The following ERBB4 variants were observed in gnomAD, a reference collection of about 807,000 sequenced individuals.
The protein encoded by ERBB4 is receptor tyrosine-protein kinase erbB-4.
Under a neutral mutation model 158.0 loss-of-function variants are expected in ERBB4, and 42 were observed. The observed-to-expected ratio is 0.27, with a 90% confidence interval of 0.21 to 0.34. The LOEUF (loss-of-function observed/expected upper bound fraction) is 0.34, where lower values mean the gene tolerates loss of function less well. Ranked by LOEUF, ERBB4 falls within the 10% of genes least tolerant of loss-of-function variation. ERBB4 has a pLI of 1.00. For missense variants in ERBB4, 1,333 were observed against 1,624.1 expected, an observed-to-expected ratio of 0.82 and a Z score of 3.08; for synonymous variants, 583 against 558.7, an observed-to-expected ratio of 1.04 and a Z score of -0.61.
At chr2:212,507,507 A>G (rs113095980) in intron 1 of ERBB4, among the ~76,000 whole-genome samples, 3 of 152,190 alleles carry the variant, frequency 2.0e-5, no homozygotes, top group Admixed American at 1.3e-4. Context: ...GATACCATTA[A>G]AAATATTAAT....
At chr2:212,271,596 G>A (rs931843140) in intron 1 of ERBB4, among the ~76,000 whole-genome samples, 3 of 151,644 alleles carry the variant, frequency 2.0e-5, no homozygotes, top group African/African-American at 7.3e-5. Context: ...ATTACTATGG[G>A]CTATGTATAC....
rs67517368 is a variant in ERBB4, at chr2:212,374,091, CAT to C, written c.82+164356_82+164357del. Among the ~76,000 whole-genome samples the C allele has an allele frequency of 2.7e-3, 238 of 88,880 alleles. 12 individuals are homozygous for C. Among genetic ancestry groups the C allele is most frequent in the African/African-American group, 7.5e-3 (207 of 27,436 alleles). 58.3% of individuals were successfully genotyped at this position (88,880 alleles called of 152,430 possible). ...ATCCATATATATATCCATATATATC[CAT>C]ATATATATATACACACACATATATA... On this transcript the variant is annotated intron_variant, in intron 1 of 27. Transcript: ENST00000342788.
intron 5 of ERBB4, among the ~76,000 whole-genome samples, chr2:211,728,172 T>C (rs1183129877): frequency 6.6e-6 from 1 of 151,798 alleles, no homozygotes; most frequent in Non-Finnish European, 1.5e-5. Context: ...ATCTTCTTTT[T>C]TCTCTCTCTT....
chr2:211,760,661 G>A (rs905786580), intron 4 of ERBB4, among the ~76,000 whole-genome samples: 2 of 152,062 alleles, frequency 1.3e-5, no homozygotes, highest in African/African-American at 4.8e-5. Context: ...CCTCAGGCAG[G>A]TTAGTTAACT....
intron 1 of ERBB4, among the ~76,000 whole-genome samples, chr2:212,491,619 T>C (rs886642648): frequency 5.9e-5 from 9 of 151,536 alleles, no homozygotes; most frequent in Non-Finnish European, 1.3e-4. Context: ...TACGGAGAAA[T>C]AGATTACTGC....
chr2:212,026,852 C>T (rs918326477), intron 2 of ERBB4, among the ~76,000 whole-genome samples: 1 of 151,578 alleles, frequency 6.6e-6, no homozygotes, highest in Non-Finnish European at 1.5e-5. Context: ...CCAAGTCTTC[C>T]TAGTTTTTTC....
intron 16 of ERBB4, among the ~76,000 whole-genome samples, chr2:211,656,037 AT>A (rs1015477970): frequency 6.6e-6 from 1 of 152,240 alleles, no homozygotes; most frequent in African/African-American, 2.4e-5. Context: ...TTTGAATCTC[AT>A]AAATATAATA....
intron 1 of ERBB4, among the ~76,000 whole-genome samples, chr2:212,506,607 C>T (rs905369766): frequency 6.6e-6 from 1 of 151,902 alleles, no homozygotes; most frequent in Non-Finnish European, 1.5e-5. Flanking sequence ...AAGATCAAAC[C>T]AGCCACAACT....
At chr2:211,715,375 G>A (rs778281512) in intron 7 of ERBB4, among the ~76,000 whole-genome samples, 53 of 152,140 alleles carry the variant, frequency 3.5e-4, no homozygotes, top group Non-Finnish European at 6.3e-4. Flanking sequence ...TCCCCAAAAA[G>A]TGCTGATTTT....
intron 12 of ERBB4, among the ~76,000 whole-genome samples, chr2:211,685,843 G>A (rs1038527033): frequency 1.4e-4 from 22 of 152,022 alleles, no homozygotes; most frequent in African/African-American, 4.8e-4. Flanking sequence ...TATATGTTTT[G>A]TTAAATTTAC....
intron 2 of ERBB4, among the ~76,000 whole-genome samples, chr2:212,123,527 T>C (rs1358571560): frequency 6.6e-6 from 1 of 152,198 alleles, no homozygotes; most frequent in Non-Finnish European, 1.5e-5. Flanking sequence ...TTAAACATCA[T>C]AATTATTAAA....
At chr2:212,433,567 A>T (rs1278467418) in intron 1 of ERBB4, among the ~76,000 whole-genome samples, 1 of 151,998 alleles carries the variant, frequency 6.6e-6, no homozygotes, top group Non-Finnish European at 1.5e-5. Context: ...TACAACTTTC[A>T]GGCCTCATTT....
At chr2:211,831,494 T>C (rs186306355) in intron 3 of ERBB4, among the ~76,000 whole-genome samples, 1 of 152,294 alleles carries the variant, frequency 6.6e-6, no homozygotes, top group African/African-American at 2.4e-5. Context: ...AGCTATGGCT[T>C]TTTCTTAGTG....
At chr2:212,102,459 C>G (rs1280896576) in intron 2 of ERBB4, among the ~76,000 whole-genome samples, 1 of 151,908 alleles carries the variant, frequency 6.6e-6, no homozygotes, top group Non-Finnish European at 1.5e-5. Context: ...CCAATTGTCT[C>G]CAGGGATAAT....
intron 20 of ERBB4, among the ~76,000 whole-genome samples, chr2:211,490,309 T>C (rs2065307591): frequency 6.7e-6 from 1 of 149,240 alleles, no homozygotes; most frequent in African/African-American, 2.5e-5. Flanking sequence ...TCATTATTTC[T>C]TTCTTTATAG....
At chr2:211,658,289 A>G (rs1181459414) in intron 15 of ERBB4, among the ~76,000 whole-genome samples, 2 of 152,206 alleles carry the variant, frequency 1.3e-5, no homozygotes, top group Admixed American at 1.3e-4. Flanking sequence ...TGCATCATAC[A>G]TGATTACATG....
At chr2:211,892,760 C>T (rs2079001211) in intron 3 of ERBB4, among the ~76,000 whole-genome samples, 2 of 144,294 alleles carry the variant, frequency 1.4e-5, no homozygotes, top group Non-Finnish European at 3.0e-5. Flanking sequence ...TTCTTATACA[C>T]CAACAACAGA....
At chr2:211,450,599 G>A (rs1376413768) in intron 20 of ERBB4, among the ~76,000 whole-genome samples, 1 of 152,156 alleles carries the variant, frequency 6.6e-6, no homozygotes, top group East Asian at 1.9e-4. Flanking sequence ...TAAAATAGGA[G>A]CATGAGAGAG....
intron 20 of ERBB4, among the ~76,000 whole-genome samples, chr2:211,549,053 T>G (rs2067014087): frequency 6.6e-6 from 1 of 152,124 alleles, no homozygotes; most frequent in Non-Finnish European, 1.5e-5. Flanking sequence ...TTTTCTTTCC[T>G]TGTGTAGAAA....
Sources: allele counts gnomAD v4.1 joint callset (sites outside exome capture counted in the v4.1 genomes callset), GRCh38; gene constraint gnomAD v4.1.1; transcripts MANE v1.5; gene names NCBI Gene and HGNC (gene_info 2026-07-23, HGNC 2026-07-21).